The following ANKRD55 variants were observed in gnomAD, a reference collection of about 807,000 sequenced individuals.
ANKRD55 encodes ankyrin repeat domain-containing protein 55.
A neutral mutation model predicts 60.6 loss-of-function variants in ANKRD55; 41 were observed. The ratio of observed to expected loss-of-function variants is 0.68; its 90% CI spans 0.53 to 0.88. The LOEUF is 0.88. Among genes scored for constraint, ANKRD55 ranks in the 40% least tolerant of loss-of-function variants. ANKRD55 has a pLI of 0.00. For missense variants in ANKRD55, 732 were observed against 767.6 expected, an observed-to-expected ratio of 0.95 and a Z score of 0.55; for synonymous variants, 264 against 290.3, an observed-to-expected ratio of 0.91 and a Z score of 0.92.
chr5:56,160,338 G>C (rs1580991371), intron 5 of ANKRD55, among the ~76,000 whole-genome samples: 1 of 152,252 alleles, frequency 6.6e-6, no homozygotes, highest in East Asian at 1.9e-4. Flanking sequence ...TCCCGGATTA[G>C]CACCATCCTC....
intron 6 of ANKRD55, among the ~76,000 whole-genome samples, chr5:56,153,040 G>A (rs1325478691): frequency 6.6e-6 from 1 of 152,054 alleles, no homozygotes; most frequent in African/African-American, 2.4e-5. Flanking sequence ...CAACCCAACA[G>A]CAAAGCATTA....
chr5:56,176,389 G>A lies in ANKRD55; in HGVS notation c.182-107C>T, dbSNP rs184397136. The A allele has an allele frequency of 1.8e-5, 24 of 1,306,324 alleles. 1 individual carries two copies. The East Asian group carries it at 5.1e-4, about 28-fold the overall frequency. The allele number at this position is 1,306,324 out of a possible 1,614,324, so 80.9% of individuals were successfully genotyped here. A position where few individuals can be genotyped will look rare whatever the true frequency, so the allele number is the denominator to read the frequency against. The stretch of plus-strand genomic sequence containing the variant: ...TTTTGCTATTTGCAATACAAACCCA[G>A]CTGTTTGTATGGGACTGAAGGGAGA... On this transcript the variant is annotated intron_variant, in intron 3 of 11. Coordinates refer to ENST00000341048, the MANE Select transcript of ANKRD55 (RefSeq NM_024669.3).
chr5:56,160,230 G>T (rs575749323), intron 5 of ANKRD55, among the ~76,000 whole-genome samples: 2 of 152,184 alleles, frequency 1.3e-5, no homozygotes, highest in Admixed American at 6.5e-5. Flanking sequence ...AAATCATGTA[G>T]CAATTATTAT....
chr5:56,207,231 G>C (rs577068150), intron 2 of ANKRD55, among the ~76,000 whole-genome samples: 9 of 152,288 alleles, frequency 5.9e-5, no homozygotes, highest in Non-Finnish European at 1.2e-4. Context: ...ATCTAGGCAG[G>C]TTAGATGACT....
In ANKRD55 at chr5:56,100,047, T is replaced by C; in HGVS notation, c.*136A>G. The C allele has an allele frequency of 8.6e-7, 1 of 1,169,360 alleles. No individual in the cohort carries two copies. 72.4% of individuals were successfully genotyped at this position (1,169,360 alleles called of 1,614,324 possible). ...GAGTATCTTTATTTGGAATAAAGAA[T>C]TTCGAGTTATAAAACTGATGGCTTA... On this transcript the variant is annotated 3_prime_UTR_variant, in exon 12 of 12. Coordinates refer to ENST00000341048, the MANE Select transcript of ANKRD55 (RefSeq NM_024669.3).
intron 2 of ANKRD55, among the ~76,000 whole-genome samples, chr5:56,216,863 T>C (rs1160069289): frequency 6.6e-6 from 1 of 152,228 alleles, no homozygotes; most frequent in Non-Finnish European, 1.5e-5. Flanking sequence ...GCAAGTGCTG[T>C]TGGAGAAGCT....
chr5:56,149,173 A>C (rs1757977312), intron 6 of ANKRD55, among the ~76,000 whole-genome samples: 1 of 152,172 alleles, frequency 6.6e-6, no homozygotes, highest in Non-Finnish European at 1.5e-5. Context: ...AGCTTAGTAA[A>C]TTAATTCATT....
chr5:56,131,800 A>AG (rs1336649765), intron 7 of ANKRD55, among the ~76,000 whole-genome samples: 3 of 143,840 alleles, frequency 2.1e-5, no homozygotes, highest in African/African-American at 7.6e-5. Context: ...CGTCTCAAAA[A>AG]AAAAAAAAAA....
chr5:56,227,099 C>T (rs1044576590), intron 2 of ANKRD55, among the ~76,000 whole-genome samples: 11 of 152,104 alleles, frequency 7.2e-5, no homozygotes, highest in South Asian at 2.1e-4. Flanking sequence ...AAATGTCCAT[C>T]GATGATAGAC....
At position 56,233,266 on chromosome 5, in the gene ANKRD55, G is replaced by A. The variant is rs1760299750; in HGVS notation, c.-59C>T. On this transcript the variant is annotated 5_prime_UTR_variant, in exon 1 of 12. Coordinates refer to ENST00000341048, the MANE Select transcript of ANKRD55 (RefSeq NM_024669.3). ...CTTGGATCTGGGCTGGAAAAACACA[G>A]CAGATCACGGAGCTTCAGCAGCTGG... 2 of 257,320 alleles carry A rather than the reference G, an allele frequency of 7.8e-6. No individual in the cohort carries two copies. Among genetic ancestry groups the A allele is most frequent in the South Asian group, 1.3e-4 (2 of 15,268 alleles). 15.9% of individuals were successfully genotyped at this position (257,320 alleles called of 1,614,324 possible).
At chr5:56,118,134 C>A (rs146937807) in intron 8 of ANKRD55, among the ~76,000 whole-genome samples, 7,197 of 151,842 alleles carry the variant, frequency 0.047, 249 homozygotes, top group Non-Finnish European at 0.073. Flanking sequence ...CAGAGCAAGA[C>A]TCTGTCTCAA....
chr5:56,164,842 C>A (rs760190295), intron 5 of ANKRD55, among the ~76,000 whole-genome samples: 1 of 152,180 alleles, frequency 6.6e-6, no homozygotes, highest in Non-Finnish European at 1.5e-5. Flanking sequence ...TGCATCTTTG[C>A]TTTTGTAAAC....
chr5:56,151,885 A>G (rs994444971), intron 6 of ANKRD55, among the ~76,000 whole-genome samples: 6 of 149,706 alleles, frequency 4.0e-5, no homozygotes, highest in Admixed American at 1.3e-4. Flanking sequence ...ATATATACAT[A>G]TACATACACA....
intron 9 of ANKRD55, among the ~76,000 whole-genome samples, chr5:56,112,511 A>AAAAAAAC (rs1756754606): frequency 8.6e-5 from 7 of 81,522 alleles, no homozygotes; most frequent in African/African-American, 3.2e-4. Flanking sequence ...TAGCAAAAAA[A>AAAAAAAC]AAAAAAAAAA....
intron 2 of ANKRD55, among the ~76,000 whole-genome samples, chr5:56,232,355 A>G (rs1231586224): frequency 2.0e-5 from 3 of 152,240 alleles, no homozygotes; most frequent in Non-Finnish European, 4.4e-5. Flanking sequence ...TAACATATCA[A>G]CCCGACATAA....
chr5:56,155,394 T>C (rs191804786), intron 6 of ANKRD55, among the ~76,000 whole-genome samples: 1 of 152,272 alleles, frequency 6.6e-6, no homozygotes, highest in Admixed American at 6.5e-5. Flanking sequence ...GAGAAAAAAC[T>C]GATTGCTTAA....
chr5:56,187,579 G>C (rs1408449649), intron 2 of ANKRD55, among the ~76,000 whole-genome samples: 1 of 152,196 alleles, frequency 6.6e-6, no homozygotes, highest in Non-Finnish European at 1.5e-5. Context: ...CAGACCCGCC[G>C]CTGACTTCTA....
At chr5:56,121,155 T>G (rs1757038480) in intron 8 of ANKRD55, among the ~76,000 whole-genome samples, 1 of 152,140 alleles carries the variant, frequency 6.6e-6, no homozygotes, top group Non-Finnish European at 1.5e-5. Flanking sequence ...CCTCCATCTC[T>G]ATTCCTATAC....
intron 10 of ANKRD55, chr5:56,110,470 T>C (rs1203741790): frequency 1.3e-5 from 2 of 152,896 alleles, no homozygotes; most frequent in Admixed American, 1.3e-4. Context: ...ATATTTCATA[T>C]CTAAAAATGG....
Sources: allele counts gnomAD v4.1 joint callset (sites outside exome capture counted in the v4.1 genomes callset), GRCh38; gene constraint gnomAD v4.1.1; transcripts MANE v1.5; gene names NCBI Gene and HGNC (gene_info 2026-07-23, HGNC 2026-07-21).